Variants in PAX5 observed in about 807,000 individuals in gnomAD.
PAX5 encodes the protein paired box protein Pax-5.
A neutral mutation model predicts 43.7 loss-of-function variants in PAX5; 9 were observed. The observed-to-expected ratio is 0.21, with a 90% CI of 0.12 to 0.36. The LOEUF is 0.36. Ranked by LOEUF, PAX5 falls within the 10% of genes least tolerant of loss-of-function variation. The pLI, the probability that PAX5 is intolerant of heterozygous loss-of-function variation, is 1.00. For synonymous variants in PAX5, 228 were observed against 214.3 expected (o/e 1.06, Z -0.56); for missense variants, 383 against 532.7 (o/e 0.72, Z 2.77).
chr9:36,894,209 C>T (rs113126943), intron 7 of PAX5, among the ~76,000 whole-genome samples: 2,907 of 152,266 alleles, frequency 0.019, 100 homozygotes, highest in African/African-American at 0.066. Flanking sequence ...TTGGCGGCCA[C>T]CCCATGTTCT....
chr9:36,961,116 G>A (rs73648176), intron 6 of PAX5, among the ~76,000 whole-genome samples: 1,927 of 152,262 alleles, frequency 0.013, 40 homozygotes, highest in African/African-American at 0.042. Flanking sequence ...TCTGCCTCAT[G>A]GTCGAGGTTC....
intron 5 of PAX5, among the ~76,000 whole-genome samples, chr9:37,001,241 C>A (rs1033755049): frequency 6.6e-6 from 1 of 152,204 alleles, no homozygotes; most frequent in Non-Finnish European, 1.5e-5. Flanking sequence ...TGGTGGTAAA[C>A]ATCAAACTAG....
chr9:37,026,157 G>C (rs749326312), intron 1 of PAX5, among the ~76,000 whole-genome samples: 29 of 152,248 alleles, frequency 1.9e-4, no homozygotes, highest in Non-Finnish European at 4.0e-4. Flanking sequence ...CGGAGTAGGG[G>C]TGTGGGGCGC....
chr9:36,917,741 C>T (rs1829833389), intron 7 of PAX5, among the ~76,000 whole-genome samples: 1 of 152,226 alleles, frequency 6.6e-6, no homozygotes, highest in Admixed American at 6.5e-5. Context: ...ACAAATATTG[C>T]ATTTTTTAAC....
chr9:36,998,050 G>C (rs1213291177), intron 5 of PAX5, among the ~76,000 whole-genome samples: 1 of 152,220 alleles, frequency 6.6e-6, no homozygotes, highest in East Asian at 1.9e-4. Flanking sequence ...ATGATGGAGA[G>C]CTCACTACCT....
At chr9:36,929,924 C>T (rs757114570) in intron 6 of PAX5, among the ~76,000 whole-genome samples, 1 of 152,156 alleles carries the variant, frequency 6.6e-6, no homozygotes, top group African/African-American at 2.4e-5. Flanking sequence ...TGGGGTTTCA[C>T]CATGTTAGTC....
intron 7 of PAX5, among the ~76,000 whole-genome samples, chr9:36,915,821 C>T (rs1179513489): frequency 6.6e-6 from 1 of 152,026 alleles, no homozygotes; most frequent in Non-Finnish European, 1.5e-5. Context: ...TCTGTAATCC[C>T]AGCACTTTGG....
intron 3 of PAX5, among the ~76,000 whole-genome samples, chr9:37,011,144 A>AAAAAAAAAG (rs1564074650): frequency 7.6e-5 from 11 of 145,566 alleles, no homozygotes; most frequent in East Asian, 2.0e-4. Context: ...AAAAAAAAAA[A>AAAAAAAAAG]AAAGAAAGAG....
At chr9:36,851,465 A>G (rs1350358113) in intron 8 of PAX5, among the ~76,000 whole-genome samples, 1 of 152,158 alleles carries the variant, frequency 6.6e-6, no homozygotes, top group Non-Finnish European at 1.5e-5. Flanking sequence ...CAGAGGAAGG[A>G]GCCAGCGGGA....
chr9:37,032,261 G>A lies in PAX5; in HGVS notation c.46+1725C>T, dbSNP rs550081634. Reference sequence around the variant, plus strand: ...GAACTAATCAAAGAGCCCATCGACCGCCATGAATTACATTCTTCTACACAG... The same window carrying A: ...GAACTAATCAAAGAGCCCATCGACCACCATGAATTACATTCTTCTACACAG... On this transcript the variant is annotated intron_variant, in intron 1 of 9. Transcript: ENST00000358127. Among the ~76,000 whole-genome samples, 6 of 151,974 alleles carry A rather than the reference G, an allele frequency of 3.9e-5. No individual in the cohort carries two copies. The East Asian group carries it at 5.8e-4, about 15-fold the overall frequency.
At chr9:37,004,151 G>A (rs1204064758) in intron 4 of PAX5, among the ~76,000 whole-genome samples, 1 of 152,238 alleles carries the variant, frequency 6.6e-6, no homozygotes, top group Non-Finnish European at 1.5e-5. Flanking sequence ...CAGAAATAGG[G>A]GCAGTGGTTG....
intron 7 of PAX5, among the ~76,000 whole-genome samples, chr9:36,905,903 A>G (rs72735617): frequency 0.033 from 5,001 of 152,232 alleles, 123 homozygotes; most frequent in South Asian, 0.054. Context: ...TTTATCCAGC[A>G]CCTATATTCC....
chr9:36,848,512 G>A (rs1395334357), intron 8 of PAX5, among the ~76,000 whole-genome samples: 1 of 152,166 alleles, frequency 6.6e-6, no homozygotes, highest in Non-Finnish European at 1.5e-5. Flanking sequence ...AGAGCCCGAT[G>A]ACAGTGGGCT....
At chr9:36,906,793 A>T (rs1828863562) in intron 7 of PAX5, among the ~76,000 whole-genome samples, 2 of 152,364 alleles carry the variant, frequency 1.3e-5, no homozygotes, top group Admixed American at 1.3e-4. Context: ...GCATGTAAGA[A>T]GCCCAGGCAG....
At chr9:36,969,511 C>T (rs1834753641) in intron 5 of PAX5, among the ~76,000 whole-genome samples, 1 of 152,250 alleles carries the variant, frequency 6.6e-6, no homozygotes, top group Admixed American at 6.5e-5. Flanking sequence ...CACACAGGCC[C>T]TCAAGTGTAC....
In PAX5 at chr9:37,033,998, T is replaced by C; in HGVS notation, c.34A>G (p.Thr12Ala). The C allele has an allele frequency of 6.2e-7, 1 of 1,611,056 alleles. No individual in the cohort carries two copies. The highest frequency in any genetic ancestry group is 8.5e-7 in the Non-Finnish European group (1 of 1,179,334). ...DLEKNYPTPRTSRTGHGGVNQ... is the reference protein window; with the variant it reads ...DLEKNYPTPRASRTGHGGVNQ... ...ATCGCGGTCCTACCTGTCCTGCTGG[T>C]CCGAGGAGTCGGATAATTTTTCTCT... Residue 12 changes from threonine (T) to alanine (A), a missense_variant, in exon 1 of 10, where the codon ACC becomes GCC. Thr to Ala is a moderately conservative substitution (Grantham distance 58, BLOSUM62 0). Around this residue, in one of 5 missense-constraint regions of PAX5, gnomAD observed 54 missense variants for 68.6 expected, o/e 0.79. Coordinates refer to ENST00000358127, the MANE Select transcript of PAX5 (RefSeq NM_016734.3).
intron 9 of PAX5, among the ~76,000 whole-genome samples, chr9:36,845,948 G>T (rs1402638852): frequency 6.6e-6 from 1 of 152,202 alleles, no homozygotes; most frequent in Admixed American, 6.5e-5. Context: ...TTCCATGTCT[G>T]ACCTTTTACT....
chr9:36,880,882 C>G (rs1826354468), intron 8 of PAX5, among the ~76,000 whole-genome samples: 1 of 152,198 alleles, frequency 6.6e-6, no homozygotes, highest in Admixed American at 6.5e-5. Context: ...CCGGCCCAGT[C>G]TGGCTTTTTT....
At chr9:36,859,313 T>C (rs57409022) in intron 8 of PAX5, among the ~76,000 whole-genome samples, 1,648 of 152,228 alleles carry the variant, frequency 0.011, 28 homozygotes, top group African/African-American at 0.037. Context: ...TGTACAGGTA[T>C]GAAAGCCGGG....
Sources: gnomAD v4.1 joint callset for allele counts (sites outside exome capture counted in the v4.1 genomes callset) on GRCh38, gnomAD v4.1.1 for gene constraint, gnomAD v4.1.1 regional missense constraint, MANE v1.5 for transcripts, NCBI Gene and HGNC (gene_info 2026-07-23, HGNC 2026-07-21) for gene names.